The following WRN variants were observed in gnomAD, a reference collection of about 807,000 sequenced individuals.
WRN encodes bifunctional 3'-5' exonuclease/ATP-dependent helicase WRN.
A neutral mutation model predicts 180.7 loss-of-function variants in WRN; 149 were observed. The observed-to-expected ratio is 0.82, with a 90% confidence interval of 0.72 to 0.94. The LOEUF is 0.94. WRN is among the 40% of genes least tolerant of loss of function. The pLI, the probability that WRN is intolerant of heterozygous loss-of-function variation, is 0.00. For synonymous variants in WRN, 548 were observed against 568.9 expected, an observed-to-expected ratio of 0.96 and a Z score of 0.52; for missense variants, 1,661 against 1,700.1, an observed-to-expected ratio of 0.98 and a Z score of 0.40.
chr8:31,135,576 AAGAG>A (rs754575053), intron 24 of WRN, among the ~76,000 whole-genome samples: 1 of 152,154 alleles, frequency 6.6e-6, no homozygotes, highest in Non-Finnish European at 1.5e-5. Context: ...TGAAGTTCTG[AAGAG>A]AGAGAGTGTT....
At chr8:31,061,137 TC>T (rs1299901130) in intron 3 of WRN, among the ~76,000 whole-genome samples, 1 of 152,198 alleles carries the variant, frequency 6.6e-6, no homozygotes, top group African/African-American at 2.4e-5. Context: ...TGAGGCTCTT[TC>T]CTTTCAGTCT....
At chr8:31,147,329 C>G (rs1457638779) in intron 29 of WRN, 35 bp from the exon 30 acceptor site, 1 of 1,597,984 alleles carries the variant, frequency 6.3e-7, no homozygotes, top group Non-Finnish European at 8.6e-7. Flanking sequence ...TTTAAGTACA[C>G]TTTAAAAAGT....
intron 6 of WRN, among the ~76,000 whole-genome samples, chr8:31,067,619 A>G (rs910531331): frequency 2.0e-5 from 3 of 152,186 alleles, no homozygotes; most frequent in African/African-American, 7.2e-5. Flanking sequence ...AATTTTAGAA[A>G]AATTGCCTCC....
chr8:31,059,287 A>T, intron 3 of WRN, 22 bp downstream of exon 3: 1 of 1,590,800 alleles, frequency 6.3e-7, no homozygotes, highest in Non-Finnish European at 8.6e-7. Flanking sequence ...GAATTTCCTG[A>T]TTTTATTTGA....
At chr8:31,091,655 C>A (rs1813750496) in intron 15 of WRN, among the ~76,000 whole-genome samples, 175 bp from the exon 16 acceptor site, 1 of 152,174 alleles carries the variant, frequency 6.6e-6, no homozygotes, top group East Asian at 1.9e-4. Flanking sequence ...TAAAAACTTG[C>A]ATTCTGATAA....
Position 31,176,099 on chromosome 8 carries a change from T to C in WRN, c.*2997T>C, listed in dbSNP as rs892858224. Among the ~76,000 whole-genome samples the C allele has an allele frequency of 1.3e-5, 2 of 152,216 alleles. No individual in the cohort carries two copies. Among genetic ancestry groups the C allele is most frequent in the Non-Finnish European group, 2.9e-5 (2 of 68,038 alleles). ...ATGAATTATGTACCTTACTTCATAT[T>C]GTTGGACATTAAAGTTGCTTTCAGT... On this transcript the variant is annotated 3_prime_UTR_variant, in exon 35 of 35. Transcript: ENST00000298139.
rs377610618 is a variant in WRN, at chr8:31,059,893, A to G, written c.209+628A>G. On this transcript the variant is annotated intron_variant, in intron 3 of 34. Coordinates refer to ENST00000298139, the MANE Select transcript of WRN (RefSeq NM_000553.6). ...AACATGGTGAAACACCGTCTCTACT[A>G]AAAATACAAAAAATTAGCCAGGTGT... is the stretch of plus-strand genomic sequence containing the variant. 1.6e-4 allele frequency among the ~76,000 whole-genome samples: 24 copies of G among 152,206 alleles called. No individual in the cohort carries two copies. The East Asian group carries it at 3.5e-3, about 22-fold the overall frequency.
At position 31,152,700 on chromosome 8, in the gene WRN, G is replaced by A. The variant is rs545650289; in HGVS notation, c.3688-1924G>A. On this transcript the variant is annotated intron_variant, in intron 31 of 34. Transcript: ENST00000298139. ...TTATAGTTTAATTGTCAAGGAAAAT[G>A]CCTCAACTTAATCTTTGTTAAGAGA... Among the ~76,000 whole-genome samples the A allele has an allele frequency of 7.9e-5, 12 of 152,272 alleles. No homozygotes were observed. The South Asian group carries it at 2.3e-3, about 29-fold the overall frequency.
intron 9 of WRN, among the ~76,000 whole-genome samples, chr8:31,081,835 C>T (rs987857256): frequency 5.9e-5 from 9 of 151,992 alleles, no homozygotes; most frequent in South Asian, 2.1e-4. Context: ...ATCTTGGCCC[C>T]CTGCGGTCTT....
intron 18 of WRN, among the ~76,000 whole-genome samples, chr8:31,104,322 C>T (rs1016998059): frequency 1.3e-5 from 2 of 152,064 alleles, no homozygotes; most frequent in African/African-American, 4.8e-5. Flanking sequence ...TGATGGTGAA[C>T]GTCTTTTCAT....
At chr8:31,056,196 GTT>G (rs1812265075) in intron 1 of WRN, among the ~76,000 whole-genome samples, 3 of 152,138 alleles carry the variant, frequency 2.0e-5, no homozygotes, top group Admixed American at 2.0e-4. Context: ...GTCTACAGGT[GTT>G]TTTATAAAGT....
At chr8:31,171,577 T>C (rs931737624) in intron 34 of WRN, 7 of 152,254 alleles carry the variant, frequency 4.6e-5, no homozygotes, top group Admixed American at 3.9e-4. Context: ...CTGCTTGCAA[T>C]TGGGTACCTA....
chr8:31,172,076 T>G (rs1804120264), intron 34 of WRN, among the ~76,000 whole-genome samples: 1 of 152,186 alleles, frequency 6.6e-6, no homozygotes, highest in African/African-American at 2.4e-5. Context: ...TATGAAACAC[T>G]TAGCTACTTA....
At chr8:31,140,515 C>T (rs187684017) in intron 24 of WRN, among the ~76,000 whole-genome samples, 166 of 152,248 alleles carry the variant, frequency 1.1e-3, no homozygotes, top group African/African-American at 3.0e-3. Context: ...CTGTGAAGAG[C>T]GTCCCGTAGG....
At chr8:31,074,040 C>T (rs533294006) in intron 7 of WRN, among the ~76,000 whole-genome samples, 7 of 151,774 alleles carry the variant, frequency 4.6e-5, no homozygotes, top group Non-Finnish European at 8.8e-5. Flanking sequence ...CCTCAGCCTC[C>T]GGAGTAGCTG....
chr8:31,082,654 T>C (rs1813363378), intron 9 of WRN, among the ~76,000 whole-genome samples: 1 of 152,166 alleles, frequency 6.6e-6, no homozygotes, highest in Non-Finnish European at 1.5e-5. Flanking sequence ...TGGAGTGCCG[T>C]GGCGCAGTCT....
intron 33 of WRN, among the ~76,000 whole-genome samples, chr8:31,161,174 T>A (rs1171607688): frequency 6.6e-6 from 1 of 152,160 alleles, no homozygotes; most frequent in African/African-American, 2.4e-5. Flanking sequence ...AGCATCTCAT[T>A]GTTATGTGAC....
Position 31,057,427 on chromosome 8 carries a change from C to G in WRN, c.-76-945C>G, listed in dbSNP as rs11574171. On this transcript the variant is annotated intron_variant, in intron 1 of 34. Transcript: ENST00000298139. Reference sequence around the variant, plus strand: ...CTACTAAAACATGCAAAAAATTAGCCGGGCTTGGTGGCGGGCGCCTGTAGT... The same window carrying G: ...CTACTAAAACATGCAAAAAATTAGCGGGGCTTGGTGGCGGGCGCCTGTAGT... Among the ~76,000 whole-genome samples, 188 of 152,056 alleles carry G rather than the reference C, an allele frequency of 1.2e-3. 2 individuals carry two copies. The highest frequency in any genetic ancestry group is 4.3e-3 in the African/African-American group (178 of 41,480).
chr8:31,128,973 TTA>T (rs1212277995), intron 23 of WRN, among the ~76,000 whole-genome samples: 1 of 115,490 alleles, frequency 8.7e-6, no homozygotes, highest in South Asian at 2.4e-4. Context: ...GCATGCTGTT[TTA>T]TTTTTTTTTA....
Sources: allele counts gnomAD v4.1 joint callset (sites outside exome capture counted in the v4.1 genomes callset), GRCh38; gene constraint gnomAD v4.1.1; transcripts MANE v1.5; gene names NCBI Gene and HGNC (gene_info 2026-07-23, HGNC 2026-07-21).